NKD1: variants seen among roughly 807,000 people sequenced by gnomAD.
NKD1 encodes the protein NKD inhibitor of Wnt signaling pathway 1, also known as protein naked cuticle homolog 1.
NKD1 carries 21 observed loss-of-function variants against 56.0 expected under a neutral mutation model. That is an observed-to-expected ratio of 0.38 (90% CI 0.27 to 0.54). NKD1 has a LOEUF of 0.54. NKD1 is among the 20% of genes least tolerant of loss of function. The pLI is 0.82. For synonymous variants in NKD1, 263 were observed against 265.7 expected, an observed-to-expected ratio of 0.99 and a Z score of 0.10; for missense variants, 578 against 642.7, an observed-to-expected ratio of 0.90 and a Z score of 1.09.
At chr16:50,572,005 C>T (rs73589909) in intron 3 of NKD1, among the ~76,000 whole-genome samples, 1,639 of 152,340 alleles carry the variant, frequency 0.011, 26 homozygotes, top group African/African-American at 0.038. Flanking sequence ...ATGCCCAACT[C>T]GGGGCCTTTG....
chr16:50,618,090 C>T (rs1962002413), intron 4 of NKD1, among the ~76,000 whole-genome samples: 1 of 152,130 alleles, frequency 6.6e-6, no homozygotes, highest in Non-Finnish European at 1.5e-5. Context: ...TGTAGTTTGC[C>T]ACCTCCTGCT....
At chr16:50,568,850 C>A (rs918207140) in intron 3 of NKD1, among the ~76,000 whole-genome samples, 1 of 152,126 alleles carries the variant, frequency 6.6e-6, no homozygotes, top group East Asian at 1.9e-4. Flanking sequence ...TTCTCTCCCC[C>A]AATGTGGAAG....
intron 3 of NKD1, among the ~76,000 whole-genome samples, chr16:50,565,697 T>C (rs1239912675): frequency 6.6e-6 from 1 of 152,250 alleles, no homozygotes; most frequent in East Asian, 1.9e-4. Flanking sequence ...TCTCAGCAAC[T>C]ACAATGAAAA....
At chr16:50,564,648 G>T (rs1960717844) in intron 3 of NKD1, among the ~76,000 whole-genome samples, 2 of 152,148 alleles carry the variant, frequency 1.3e-5, no homozygotes, top group Admixed American at 1.3e-4. Context: ...GTTCAGAGGG[G>T]CCATGCAGCT....
intron 3 of NKD1, among the ~76,000 whole-genome samples, chr16:50,585,012 C>T (rs1021539730): frequency 1.3e-5 from 2 of 152,182 alleles, no homozygotes; most frequent in Non-Finnish European, 2.9e-5. Flanking sequence ...TGGCATTTTC[C>T]CTTGCTGTCC....
chr16:50,573,244 C>T (rs929037163), intron 3 of NKD1, among the ~76,000 whole-genome samples: 1 of 152,206 alleles, frequency 6.6e-6, no homozygotes, highest in Non-Finnish European at 1.5e-5. Context: ...ACCTTCAGCA[C>T]CACACAATCT....
intron 3 of NKD1, among the ~76,000 whole-genome samples, chr16:50,559,807 A>G (rs1960583948): frequency 1.3e-5 from 2 of 152,116 alleles, no homozygotes; most frequent in Admixed American, 6.5e-5. Flanking sequence ...TCTGGCCTTG[A>G]GCATAGAGCT....
intron 4 of NKD1, among the ~76,000 whole-genome samples, chr16:50,612,085 A>G (rs993278538): frequency 6.6e-6 from 1 of 152,216 alleles, no homozygotes; most frequent in Non-Finnish European, 1.5e-5. Flanking sequence ...AGGGTCTGGC[A>G]TGCTGTATGT....
chr16:50,625,482 C>T lies in NKD1; in HGVS notation c.367-3C>T, dbSNP rs1962188841. 7 of 1,606,962 alleles carry T rather than the reference C, an allele frequency of 4.4e-6. No homozygotes were observed. The highest frequency in any genetic ancestry group is 6.0e-6 in the Non-Finnish European group (7 of 1,173,852). Reference sequence around the variant, plus strand: ...CCAGCCCCGCCCATCTCTCTGCATCCAGGAGCTCCAGTGCGACGTGTCCAT... The same window carrying T: ...CCAGCCCCGCCCATCTCTCTGCATCTAGGAGCTCCAGTGCGACGTGTCCAT... On this transcript the variant is annotated splice_region_variant and splice_polypyrimidine_tract_variant and intron_variant, in intron 5 of 9. Transcript: ENST00000268459.
chr16:50,609,484 A>G (rs1961793839), intron 4 of NKD1, among the ~76,000 whole-genome samples: 1 of 152,130 alleles, frequency 6.6e-6, no homozygotes. Flanking sequence ...GCCATGGTGC[A>G]AGGGTCTGCG....
rs141828404 is a variant in NKD1, at chr16:50,550,151, G to A, written c.192+596G>A. Among the ~76,000 whole-genome samples, 257 of 151,916 alleles carry A rather than the reference G, an allele frequency of 1.7e-3. 3 individuals carry two copies. Among genetic ancestry groups the A allele is most frequent in the African/African-American group, 5.6e-3 (230 of 41,406 alleles). On this transcript the variant is annotated intron_variant, in intron 3 of 9. Transcript: ENST00000268459. ...GGGCAGAGCCCTGAGCCTTCACCCCGTGTGTCTCTGAGGCTGGAGTTCCTG... is the reference window on the plus strand; with the variant it reads ...GGGCAGAGCCCTGAGCCTTCACCCCATGTGTCTCTGAGGCTGGAGTTCCTG...
intron 3 of NKD1, among the ~76,000 whole-genome samples, chr16:50,597,233 C>G (rs1188177488): frequency 6.6e-6 from 1 of 151,928 alleles, no homozygotes; most frequent in Non-Finnish European, 1.5e-5. Flanking sequence ...GCGGAAGCCT[C>G]TGGGGTGTCT....
Position 50,640,370 on chromosome 16 carries a change from C to T in NKD1, c.*6589C>T, listed in dbSNP as rs988541918. 3 of 152,248 alleles carry T rather than the reference C, an allele frequency of 2.0e-5. No individual in the cohort carries two copies. Among genetic ancestry groups the T allele is most frequent in the Non-Finnish European group, 4.4e-5 (3 of 68,058 alleles). 9.4% of individuals were successfully genotyped at this position (152,248 alleles called of 1,614,324 possible). A position where few individuals can be genotyped will look rare whatever the true frequency, so the allele number is the denominator to read the frequency against. On this transcript the variant is annotated 3_prime_UTR_variant, in exon 10 of 10. Coordinates refer to ENST00000268459, the MANE Select transcript of NKD1 (RefSeq NM_033119.5). ...ATTGCAAAATTCTGGATGGGTTCAT[C>T]CAAGCTGACCTTTGCTGTTTTTTCC...
At chr16:50,599,159 C>T (rs866154398) in intron 3 of NKD1, among the ~76,000 whole-genome samples, 4 of 151,968 alleles carry the variant, frequency 2.6e-5, no homozygotes, top group Admixed American at 1.3e-4. Flanking sequence ...CTGTGGCATC[C>T]CTGACAAAAA....
chr16:50,586,661 C>G lies in NKD1; in HGVS notation c.193-21633C>G, dbSNP rs531978238. On this transcript the variant is annotated intron_variant, in intron 3 of 9. Transcript: ENST00000268459. ...TGGTTCCCAGTAGATATAGAAGATG[C>G]CTTCCTGGCCTTGCAATTAGAGAGA... 2.0e-5 allele frequency among the ~76,000 whole-genome samples: 3 copies of G among 152,282 alleles called. No individual in the cohort carries two copies. In the South Asian group the frequency reaches 6.2e-4, roughly 32 times the overall value.
At chr16:50,629,341 C>T (rs1238511364) in intron 6 of NKD1, among the ~76,000 whole-genome samples, 6 of 152,142 alleles carry the variant, frequency 3.9e-5, no homozygotes, top group African/African-American at 1.2e-4. Flanking sequence ...CTCCTTACTC[C>T]GAATACAATC....
At chr16:50,625,255 C>G (rs959465615) in intron 5 of NKD1, 1 of 569,328 alleles carries the variant, frequency 1.8e-6, no homozygotes, top group Non-Finnish European at 3.1e-6. Context: ...CACAGACCAC[C>G]AGGCACCCCT....
intron 2 of NKD1, 74 bp downstream of exon 2, chr16:50,548,823 C>T (rs1368044827): frequency 1.6e-5 from 21 of 1,325,212 alleles, no homozygotes; most frequent in South Asian, 2.0e-5. Flanking sequence ...CGGCCCAGCC[C>T]GCCAGGTCTT....
At chr16:50,615,916 C>G (rs1394929026) in intron 4 of NKD1, 1 of 390,560 alleles carries the variant, frequency 2.6e-6, no homozygotes, top group Non-Finnish European at 5.3e-6. Flanking sequence ...GAGCCTGATA[C>G]AGATACTGCA....
Sources: allele counts gnomAD v4.1 joint callset (sites outside exome capture counted in the v4.1 genomes callset), GRCh38; gene constraint gnomAD v4.1.1; transcripts MANE v1.5; gene names NCBI Gene and HGNC (gene_info 2026-07-23, HGNC 2026-07-21).